Variants in ADAMTSL3 observed in about 807,000 individuals in gnomAD.
The protein encoded by ADAMTSL3 is ADAMTS-like protein 3.
ADAMTSL3 carries 128 observed loss-of-function variants against 201.7 expected under a neutral mutation model. The observed-to-expected ratio is 0.63, with a 90% CI of 0.55 to 0.73. The LOEUF is 0.73. Ranked by LOEUF, ADAMTSL3 falls within the 30% of genes least tolerant of loss-of-function variation. The probability of loss-of-function intolerance (pLI) is 0.00; values close to 1 mark genes in which losing one functional copy is unlikely to be tolerated. For missense variants in ADAMTSL3, 1,990 were observed against 2,119.6 expected (o/e 0.94, Z 1.20); for synonymous variants, 738 against 748.4 (o/e 0.99, Z 0.23).
chr15:83,921,270 T>A (rs1226175845), intron 16 of ADAMTSL3, among the ~76,000 whole-genome samples: 5 of 152,234 alleles, frequency 3.3e-5, no homozygotes, highest in Non-Finnish European at 7.3e-5. Context: ...TGAAACTTAC[T>A]GCAGTTTCCT....
intron 9 of ADAMTSL3, among the ~76,000 whole-genome samples, chr15:83,883,990 T>C (rs1156623801): frequency 6.6e-6 from 1 of 152,068 alleles, no homozygotes; most frequent in Non-Finnish European, 1.5e-5. Context: ...CCTCCCGGGT[T>C]CGAGCTATTC....
chr15:83,889,236 G>C (rs1470748749), intron 10 of ADAMTSL3, among the ~76,000 whole-genome samples: 1 of 152,182 alleles, frequency 6.6e-6, no homozygotes, highest in Non-Finnish European at 1.5e-5. Flanking sequence ...GAGGGCTGGG[G>C]AGTGACATAC....
chr15:83,770,390 G>A (rs1311413467), intron 3 of ADAMTSL3, among the ~76,000 whole-genome samples: 1 of 152,096 alleles, frequency 6.6e-6, no homozygotes, highest in Non-Finnish European at 1.5e-5. Flanking sequence ...TTCGTTCCTA[G>A]TCCTACTTAC....
At chr15:83,675,956 T>C (rs2061399264) in intron 2 of ADAMTSL3, among the ~76,000 whole-genome samples, 1 of 151,630 alleles carries the variant, frequency 6.6e-6, no homozygotes, top group Non-Finnish European at 1.5e-5. Flanking sequence ...TTCCTGATAT[T>C]TGAAGTTTGC....
At chr15:83,816,772 A>C (rs1252644247) in intron 5 of ADAMTSL3, among the ~76,000 whole-genome samples, 2 of 152,142 alleles carry the variant, frequency 1.3e-5, no homozygotes, top group African/African-American at 4.8e-5. Flanking sequence ...TTGGGAGGCC[A>C]AGGCAGGCAG....
chr15:83,842,651 G>C (rs1290483091), intron 7 of ADAMTSL3, among the ~76,000 whole-genome samples: 7 of 152,232 alleles, frequency 4.6e-5, no homozygotes, highest in Non-Finnish European at 7.3e-5. Flanking sequence ...GATTTTAAGA[G>C]AGCTACTGCT....
intron 8 of ADAMTSL3, among the ~76,000 whole-genome samples, chr15:83,868,023 C>G (rs148613707): frequency 1.1e-4 from 16 of 152,246 alleles, no homozygotes; most frequent in African/African-American, 2.6e-4. Flanking sequence ...TCATATCTTC[C>G]TCAACACTTC....
intron 8 of ADAMTSL3, among the ~76,000 whole-genome samples, chr15:83,864,832 T>C (rs1428423764): frequency 2.0e-5 from 3 of 152,226 alleles, no homozygotes; most frequent in African/African-American, 7.2e-5. Flanking sequence ...TTGTCCCTGT[T>C]TGCAGATGAC....
chr15:83,838,928 G>A (rs2064325242), intron 7 of ADAMTSL3, among the ~76,000 whole-genome samples: 3 of 152,322 alleles, frequency 2.0e-5, no homozygotes, highest in Middle Eastern at 6.8e-3. Context: ...CTGTTGCAGT[G>A]TAAAAGCACA....
At chr15:83,683,412 C>T (rs952262885) in intron 2 of ADAMTSL3, among the ~76,000 whole-genome samples, 1 of 152,320 alleles carries the variant, frequency 6.6e-6, no homozygotes, top group African/African-American at 2.4e-5. Flanking sequence ...TCCCAATCCT[C>T]CCACTGGCAT....
intron 2 of ADAMTSL3, among the ~76,000 whole-genome samples, chr15:83,670,880 T>A (rs1384974355): frequency 6.6e-6 from 1 of 152,236 alleles, no homozygotes; most frequent in Admixed American, 6.5e-5. Context: ...CAGATACAAC[T>A]ATAATTTCCA....
rs2065535073 is a variant in ADAMTSL3 at position 83,892,749 on chromosome 15, TTGTG to T, written c.1334_1337del (p.Cys445Ter). 1 of 1,613,782 alleles carries T rather than the reference TTGTG, an allele frequency of 6.2e-7. No homozygotes were observed. The highest frequency in any genetic ancestry group is 1.7e-5 in the Admixed American group (1 of 59,968). Reference sequence around the variant, plus strand: ...GGAGGAGGGATTCAGAGACGGAGCTTTGTGTGTGTAGAGGAATCCATGCATGGAG... The same window carrying T: ...GGAGGAGGGATTCAGAGACGGAGCTTTGTGTAGAGGAATCCATGCATGGAG... On this transcript the variant is annotated frameshift_variant, in exon 13 of 30. Coordinates refer to ENST00000286744, the MANE Select transcript of ADAMTSL3 (RefSeq NM_207517.3). LOFTEE classifies it high-confidence loss of function.
intron 8 of ADAMTSL3, among the ~76,000 whole-genome samples, chr15:83,864,447 G>A (rs1596329259): frequency 6.6e-6 from 1 of 152,172 alleles, no homozygotes. Context: ...TGTGATGCAA[G>A]GCTGGTTCAA....
At chr15:83,878,431 C>T (rs191026589) in intron 9 of ADAMTSL3, among the ~76,000 whole-genome samples, 3 of 152,140 alleles carry the variant, frequency 2.0e-5, no homozygotes, top group Non-Finnish European at 4.4e-5. Context: ...CTGGCTAACA[C>T]GGTGAAACTC....
chr15:83,864,173 C>T (rs186047937), intron 8 of ADAMTSL3, among the ~76,000 whole-genome samples: 41 of 152,298 alleles, frequency 2.7e-4, no homozygotes, highest in Non-Finnish European at 2.9e-5. Flanking sequence ...CAGCTGAATT[C>T]TACCAGAAGT....
intron 2 of ADAMTSL3, among the ~76,000 whole-genome samples, chr15:83,687,518 G>T (rs985857919): frequency 2.0e-5 from 3 of 152,050 alleles, no homozygotes; most frequent in African/African-American, 4.8e-5. Context: ...AGTATATCTT[G>T]CCCTATCTTG....
chr15:83,899,607 A>G (rs1289597983), intron 14 of ADAMTSL3, 40 bp from the exon 15 acceptor site: 3 of 1,582,604 alleles, frequency 1.9e-6, no homozygotes, highest in South Asian at 2.3e-5. Context: ...TTAATGATTA[A>G]TAGTAATTAG....
At chr15:84,035,368 C>T (rs765044844) in intron 28 of ADAMTSL3, among the ~76,000 whole-genome samples, 2 of 152,166 alleles carry the variant, frequency 1.3e-5, no homozygotes, top group Non-Finnish European at 2.9e-5. Flanking sequence ...AATATTTGTT[C>T]AAGTTTCTTC....
At chr15:83,915,266 C>G (rs888961862) in intron 16 of ADAMTSL3, among the ~76,000 whole-genome samples, 2 of 152,152 alleles carry the variant, frequency 1.3e-5, no homozygotes, top group African/African-American at 4.8e-5. Context: ...GCAAGATCCC[C>G]TCAAGTTGGG....
Sources: gnomAD v4.1 joint callset for allele counts (sites outside exome capture counted in the v4.1 genomes callset) on GRCh38, gnomAD v4.1.1 for gene constraint, MANE v1.5 for transcripts, NCBI Gene and HGNC (gene_info 2026-07-23, HGNC 2026-07-21) for gene names.